EPM2A: variants seen among roughly 807,000 people sequenced by gnomAD.
EPM2A encodes the protein EPM2A glucan phosphatase, laforin, also known as laforin.
EPM2A carries 21 observed loss-of-function variants against 26.5 expected under a neutral mutation model. The ratio of observed to expected loss-of-function variants is 0.79; its 90% CI spans 0.56 to 1.14. The LOEUF is 1.14. EPM2A is among the 50% of genes most tolerant of loss of function. The pLI is 0.00. For missense variants in EPM2A, 458 were observed against 440.8 expected (o/e 1.04, Z -0.35); for synonymous variants, 217 against 177.6 (o/e 1.22, Z -1.76).
intron 2 of EPM2A, among the ~76,000 whole-genome samples, chr6:145,654,371 G>C (rs1296119397): frequency 6.6e-6 from 1 of 152,032 alleles, no homozygotes; most frequent in South Asian, 2.1e-4. Context: ...AGTAGAGACA[G>C]GGTTTCTCCA....
At chr6:145,609,110 A>G (rs1398068614) in intron 2 of EPM2A, among the ~76,000 whole-genome samples, 1 of 152,212 alleles carries the variant, frequency 6.6e-6, no homozygotes, top group Non-Finnish European at 1.5e-5. Context: ...TCAGAAGAGT[A>G]AGGAAATAGT....
At chr6:145,609,079 G>C (rs1339999502) in intron 2 of EPM2A, among the ~76,000 whole-genome samples, 1 of 152,228 alleles carries the variant, frequency 6.6e-6, no homozygotes, top group East Asian at 1.9e-4. Flanking sequence ...TCCAGTGGGA[G>C]AGGAGGTGAT....
At chr6:145,696,775 ATGTGTGTGTGTGTGTGTGTGTGTGTG>A (rs35621582) in intron 1 of EPM2A, among the ~76,000 whole-genome samples, 4 of 135,216 alleles carry the variant, frequency 3.0e-5, no homozygotes, top group Non-Finnish European at 6.4e-5. Flanking sequence ...AGGTAGGGGT[ATGTGTGTGTGTGTGTGTGTGTGTGTG>A]TGTGTGTGTG....
intron 2 of EPM2A, among the ~76,000 whole-genome samples, chr6:145,563,979 A>G (rs1780845064): frequency 6.6e-6 from 1 of 152,216 alleles, no homozygotes; most frequent in Non-Finnish European, 1.5e-5. Flanking sequence ...TCTCTGATAC[A>G]CAATGGTGTA....
At chr6:145,503,135 T>C (rs1319607575) in intron 2 of EPM2A, among the ~76,000 whole-genome samples, 1 of 152,216 alleles carries the variant, frequency 6.6e-6, no homozygotes, top group Non-Finnish European at 1.5e-5. Context: ...CTAGCATTGA[T>C]ATGATACAAG....
chr6:145,578,392 AT>A (rs1562389632), intron 2 of EPM2A, among the ~76,000 whole-genome samples: 1 of 152,194 alleles, frequency 6.6e-6, no homozygotes, highest in Non-Finnish European at 1.5e-5. Flanking sequence ...TAGAAGGAAG[AT>A]TAGAGACTAT....
Position 145,483,364 on chromosome 6 carries a change from C to G in EPM2A, c.555+19158G>C, listed in dbSNP as rs527313189. Among the ~76,000 whole-genome samples, 18 of 152,088 alleles carry G rather than the reference C, an allele frequency of 1.2e-4. No homozygotes were observed. The East Asian group carries it at 3.5e-3, about 29-fold the overall frequency. On this transcript the variant is annotated intron_variant, in intron 4 of 4. Transcript: ENST00000638717. ...ATCATAAATGGAAGAGTTTCTATAC[C>G]TCTCTGAAACAAAGACAGCTAGCTT...
intron 4 of EPM2A, among the ~76,000 whole-genome samples, chr6:145,471,119 A>T (rs1468329400): frequency 6.6e-6 from 1 of 152,182 alleles, no homozygotes; most frequent in Non-Finnish European, 1.5e-5. Flanking sequence ...CAGAACACAT[A>T]ATCATAACAT....
intron 2 of EPM2A, among the ~76,000 whole-genome samples, chr6:145,587,288 A>G (rs917210609): frequency 7.9e-5 from 12 of 152,190 alleles, no homozygotes; most frequent in Admixed American, 3.3e-4. Flanking sequence ...AGTAAACCAA[A>G]AACATGTTTC....
intron 2 of EPM2A, among the ~76,000 whole-genome samples, chr6:145,646,392 G>A (rs1176151833): frequency 6.6e-6 from 1 of 151,612 alleles, no homozygotes; most frequent in Non-Finnish European, 1.5e-5. Flanking sequence ...TGGCCAGGCT[G>A]GTCTCGAATT....
At chr6:145,499,934 G>A (rs540327902), downstream of EPM2A, among the ~76,000 whole-genome samples, 10 of 140,658 alleles carry the variant, frequency 7.1e-5, no homozygotes, top group South Asian at 2.6e-3. Flanking sequence ...GAAGGTGAAG[G>A]AGCCTGGTTG....
Position 145,482,862 on chromosome 6 carries a change from A to G in EPM2A, c.555+19660T>C, listed in dbSNP as rs545884862. Among the ~76,000 whole-genome samples, 211 of 113,810 alleles carry G rather than the reference A, an allele frequency of 1.9e-3. 1 individual carries two copies. The highest frequency in any genetic ancestry group is 2.5e-3 in the Non-Finnish European group (140 of 56,426). 74.7% of individuals were successfully genotyped at this position (113,810 alleles called of 152,430 possible). On this transcript the variant is annotated intron_variant, in intron 4 of 4. Transcript: ENST00000638717. ...ATTATTTATGTCTTAAATTATAGCT[A>G]TTCTTTTTTTTTTTTCTGTGGCTTA...
intron 4 of EPM2A, among the ~76,000 whole-genome samples, chr6:145,458,814 A>G (rs1178857749): frequency 7.1e-6 from 1 of 140,262 alleles, no homozygotes; most frequent in Non-Finnish European, 1.5e-5. Context: ...AGTTCTTTAA[A>G]CACTAGCATA....
At chr6:145,489,908 T>C in intron 4 of EPM2A, 1 of 1,356,038 alleles carries the variant, frequency 7.4e-7, no homozygotes, top group South Asian at 1.2e-5. Context: ...CCTTCTTCAG[T>C]CTGAATTCGA....
chr6:145,503,200 A>C (rs1174613455), intron 2 of EPM2A, among the ~76,000 whole-genome samples: 1 of 152,204 alleles, frequency 6.6e-6, no homozygotes, highest in Non-Finnish European at 1.5e-5. Flanking sequence ...TCTATTTATT[A>C]TTGACTTTAA....
chr6:145,472,739 G>A (rs893310167), intron 4 of EPM2A, among the ~76,000 whole-genome samples: 1 of 152,060 alleles, frequency 6.6e-6, no homozygotes, highest in Non-Finnish European at 1.5e-5. Context: ...TGCTAGCTCA[G>A]CCACAATACA....
At chr6:145,662,896 A>T (rs530219570) in intron 2 of EPM2A, among the ~76,000 whole-genome samples, 1 of 152,292 alleles carries the variant, frequency 6.6e-6, no homozygotes, top group Non-Finnish European at 1.5e-5. Flanking sequence ...GACCTGACTA[A>T]AGTTTGGCCA....
intron 2 of EPM2A, among the ~76,000 whole-genome samples, chr6:145,615,368 C>A (rs567260230): frequency 3.9e-4 from 59 of 152,202 alleles, no homozygotes; most frequent in African/African-American, 1.4e-3. Context: ...ATTGTGAGGC[C>A]CTCCCAGCCA....
In EPM2A at chr6:145,505,396, A is replaced by G. The variant is rs186826331; in HGVS notation, c.341-2821T>C. Among the ~76,000 whole-genome samples, 13 of 147,464 alleles carry G rather than the reference A, an allele frequency of 8.8e-5. 1 individual carries two copies. Among genetic ancestry groups the G allele is most frequent in the Admixed American group, 5.3e-4 (8 of 14,978 alleles). On this transcript the variant is annotated intron_variant, in intron 2 of 3. Coordinates refer to the EPM2A transcript ENST00000450221. The stretch of plus-strand genomic sequence containing the variant: ...TTTCTCTCTTACACACACACACACA[A>G]ACACACACACAAATATGTATGTATA...
Sources: allele counts gnomAD v4.1 joint callset (sites outside exome capture counted in the v4.1 genomes callset), GRCh38; gene constraint gnomAD v4.1.1; transcripts MANE v1.5; gene names NCBI Gene and HGNC (gene_info 2026-07-23, HGNC 2026-07-21).